Variants in ZBTB20 observed in about 807,000 individuals in gnomAD.
ZBTB20 encodes zinc finger and BTB domain-containing protein 20.
ZBTB20 carries 9 observed loss-of-function variants against 56.9 expected under a neutral mutation model. That is an observed-to-expected ratio of 0.16 (90% confidence interval 0.10 to 0.28). The LOEUF is 0.28. Ranked by LOEUF, ZBTB20 falls within the 10% of genes least tolerant of loss-of-function variation. The pLI is 1.00. For missense variants in ZBTB20, 655 were observed against 1,003.0 expected, an observed-to-expected ratio of 0.65 and a Z score of 4.69; for synonymous variants, 417 against 420.7, an observed-to-expected ratio of 0.99 and a Z score of 0.11.
At chr3:114,755,135 G>C (rs2067911497) in intron 5 of ZBTB20, among the ~76,000 whole-genome samples, 2 of 152,126 alleles carry the variant, frequency 1.3e-5, no homozygotes, top group Admixed American at 1.3e-4. Flanking sequence ...TAATCCCTAG[G>C]TAATCCTGAT....
chr3:114,994,893 T>C (rs542293860), intron 2 of ZBTB20, among the ~76,000 whole-genome samples: 6 of 152,050 alleles, frequency 3.9e-5, no homozygotes, highest in East Asian at 1.9e-4. Flanking sequence ...ATGTTGAATA[T>C]TGCTACGTTT....
chr3:114,695,639 A>C (rs1305131416), intron 5 of ZBTB20, among the ~76,000 whole-genome samples: 1 of 152,074 alleles, frequency 6.6e-6, no homozygotes, highest in African/African-American at 2.4e-5. Flanking sequence ...AAATTTAAAC[A>C]ACCCATTTGA....
intron 4 of ZBTB20, among the ~76,000 whole-genome samples, chr3:114,898,310 ATG>A (rs1381416105): frequency 2.0e-5 from 3 of 152,158 alleles, no homozygotes; most frequent in Non-Finnish European, 4.4e-5. Flanking sequence ...CCTCAGCCTT[ATG>A]TGTATAATGG....
At chr3:114,639,526 T>A (rs555003439) in intron 6 of ZBTB20, among the ~76,000 whole-genome samples, 10 of 152,132 alleles carry the variant, frequency 6.6e-5, no homozygotes, top group South Asian at 4.1e-4. Context: ...CCGTAACTTG[T>A]TGCTCAGAAG....
intron 6 of ZBTB20, among the ~76,000 whole-genome samples, chr3:114,568,898 T>C (rs1360015984): frequency 2.0e-5 from 3 of 152,132 alleles, no homozygotes; most frequent in Admixed American, 6.5e-5. Flanking sequence ...CTCTCTTCAT[T>C]TCTCTAAGAT....
intron 10 of ZBTB20, among the ~76,000 whole-genome samples, chr3:114,368,266 T>C (rs2722004): frequency 0.42 from 64,459 of 152,068 alleles, 13,960 homozygotes; most frequent in South Asian, 0.46. Context: ...CTGAAGTTCA[T>C]GTTAAAAAGA....
chr3:114,392,091 A>G (rs1373766582), intron 7 of ZBTB20, among the ~76,000 whole-genome samples: 3 of 152,244 alleles, frequency 2.0e-5, no homozygotes, highest in Non-Finnish European at 2.9e-5. Flanking sequence ...ACAAGGAAGC[A>G]AAGTTTTCTA....
At chr3:114,625,055 G>C (rs961594224) in intron 6 of ZBTB20, 1 of 152,854 alleles carries the variant, frequency 6.5e-6, no homozygotes, top group Non-Finnish European at 1.5e-5. Flanking sequence ...GGTCATGAGA[G>C]GCCAGGCCTG....
At position 114,385,014 on chromosome 3, in the gene ZBTB20, C is replaced by T. The variant is rs373083164; in HGVS notation, c.-154+3991G>A. Among the ~76,000 whole-genome samples the T allele has an allele frequency of 2.7e-4, 41 of 152,240 alleles. No individual in the cohort carries two copies. In the South Asian group the frequency reaches 5.6e-3, roughly 21 times the overall value. Reference sequence around the variant, plus strand: ...CAGTCTCCAGGGTGTTGAGAGTGCTCTCTTCTTTCACCCTATCCCAATTTT... The same window carrying T: ...CAGTCTCCAGGGTGTTGAGAGTGCTTTCTTCTTTCACCCTATCCCAATTTT... On this transcript the variant is annotated intron_variant, in intron 8 of 11. Coordinates refer to ENST00000675478, the MANE Select transcript of ZBTB20 (RefSeq NM_001348800.3).
chr3:114,638,219 G>C (rs892119208), intron 6 of ZBTB20, among the ~76,000 whole-genome samples: 1 of 151,930 alleles, frequency 6.6e-6, no homozygotes, highest in African/African-American at 2.4e-5. Context: ...CCGTTACAAA[G>C]AGGAAGGTAA....
chr3:114,751,697 T>A (rs983768955), intron 5 of ZBTB20, among the ~76,000 whole-genome samples: 12 of 152,118 alleles, frequency 7.9e-5, no homozygotes, highest in East Asian at 7.7e-4. Context: ...CAAACCAAGT[T>A]AATCACAAAT....
chr3:115,132,161 A>G (rs1489899578), intron 1 of ZBTB20, among the ~76,000 whole-genome samples: 1 of 152,200 alleles, frequency 6.6e-6, no homozygotes, highest in Non-Finnish European at 1.5e-5. Flanking sequence ...TTCCCATCCT[A>G]AACCAGTTTG....
intron 5 of ZBTB20, among the ~76,000 whole-genome samples, chr3:114,788,629 C>T (rs2070723840): frequency 6.6e-6 from 1 of 152,110 alleles, no homozygotes; most frequent in South Asian, 2.1e-4. Context: ...TTGTCAGCCA[C>T]CAGTTTTTTC....
At chr3:114,644,659 A>T (rs1205079150) in intron 6 of ZBTB20, among the ~76,000 whole-genome samples, 1 of 152,132 alleles carries the variant, frequency 6.6e-6, no homozygotes, top group Admixed American at 6.6e-5. Flanking sequence ...GTGGGAATGT[A>T]AACTAGTCCT....
intron 2 of ZBTB20, among the ~76,000 whole-genome samples, chr3:115,039,674 AT>A (rs2081064362): frequency 6.6e-6 from 1 of 152,086 alleles, no homozygotes; most frequent in South Asian, 2.1e-4. Context: ...CAAGTGTCTG[AT>A]TTTTATTAGC....
At chr3:114,566,014 C>CTTTTTTTT (rs539761371) in intron 6 of ZBTB20, among the ~76,000 whole-genome samples, 5 of 143,442 alleles carry the variant, frequency 3.5e-5, no homozygotes, top group African/African-American at 5.6e-5. Flanking sequence ...CTTTTTTTTT[C>CTTTTTTTT]TTTTTTTAAA....
intron 7 of ZBTB20, among the ~76,000 whole-genome samples, chr3:114,393,882 C>T (rs529105032): frequency 6.6e-6 from 1 of 152,106 alleles, no homozygotes. Flanking sequence ...CTCTACAGCC[C>T]GTTTCATTGT....
At chr3:114,506,064 T>G (rs1208772751) in intron 6 of ZBTB20, among the ~76,000 whole-genome samples, 1 of 152,062 alleles carries the variant, frequency 6.6e-6, no homozygotes, top group Non-Finnish European at 1.5e-5. Context: ...CAGGACAGAT[T>G]CTTGATGTAT....
In ZBTB20 at chr3:114,593,675, C is replaced by T. The variant is rs142862525; in HGVS notation, c.-294-93284G>A. 1.2e-3 allele frequency among the ~76,000 whole-genome samples: 183 copies of T among 152,178 alleles called. 1 individual carries two copies. The highest frequency in any genetic ancestry group is 4.0e-3 in the African/African-American group (165 of 41,518). On this transcript the variant is annotated intron_variant, in intron 6 of 11. Transcript: ENST00000675478. ...CTGGGATTACAGGTGTGAGCCACTG[C>T]GCCTGGCCTAGGAGATTTTGGAATA...
Sources: gnomAD v4.1 joint callset for allele counts (sites outside exome capture counted in the v4.1 genomes callset) on GRCh38, gnomAD v4.1.1 for gene constraint, MANE v1.5 for transcripts, NCBI Gene and HGNC (gene_info 2026-07-23, HGNC 2026-07-21) for gene names.